NLRC4: variants seen among roughly 807,000 people sequenced by gnomAD.
The protein encoded by NLRC4 is NLR family CARD domain-containing protein 4.
In NLRC4, 63 loss-of-function variants were observed where a neutral mutation model predicts 79.9. That is an observed-to-expected ratio of 0.79 (90% CI 0.64 to 0.97). The LOEUF (loss-of-function observed/expected upper bound fraction) is 0.97, where lower values mean the gene tolerates loss of function less well. Among genes scored for constraint, NLRC4 ranks in the 50% least tolerant of loss-of-function variants. NLRC4 has a pLI of 0.00. For missense variants in NLRC4, 1,074 were observed against 1,215.2 expected (o/e 0.88, Z 1.73); for synonymous variants, 461 against 456.5 (o/e 1.01, Z -0.12).
At chr2:32,238,398 A>T (rs796470787) in intron 5 of NLRC4, 96 bp from the exon 6 acceptor site, 2 of 1,057,214 alleles carry the variant, frequency 1.9e-6, no homozygotes, top group African/African-American at 3.2e-5. Context: ...ATAATTGTGC[A>T]GAGACCTTGC....
intron 8 of NLRC4, among the ~76,000 whole-genome samples, chr2:32,230,101 G>A (rs935796846): frequency 1.6e-4 from 25 of 152,136 alleles, no homozygotes; most frequent in African/African-American, 6.0e-4. Flanking sequence ...ACTGGAGTGA[G>A]GGTGAGGCTG....
chr2:32,247,655 T>C (rs1037997776), intron 4 of NLRC4, among the ~76,000 whole-genome samples: 4 of 152,028 alleles, frequency 2.6e-5, no homozygotes, highest in Admixed American at 6.6e-5. Context: ...CACATACATA[T>C]ATGTATCTAT....
rs1385531189 is a variant in NLRC4, at chr2:32,241,037, T to C, written c.2346A>G (p.Lys782=). The C allele has an allele frequency of 6.3e-7, 1 of 1,576,902 alleles. No individual in the cohort carries two copies. Among genetic ancestry groups the C allele is most frequent in the Admixed American group, 1.7e-5 (1 of 59,760 alleles). Residue 782 remains lysine, a synonymous_variant, in exon 5 of 9, where the codon AAA becomes AAG. Transcript: ENST00000402280. ...ATATGAGAACAGAAATCTGACCTAG[T>C]TTTATAGCATCTTCTTCATTCATCT... is the stretch of plus-strand genomic sequence containing the variant. ...NIKMNEEDAI[K]LAEGLKNLKK...
At chr2:32,233,937 A>G (rs764680733) in intron 8 of NLRC4, among the ~76,000 whole-genome samples, 18 of 152,052 alleles carry the variant, frequency 1.2e-4, no homozygotes, top group Admixed American at 6.6e-4. Context: ...CTCTAACAAT[A>G]TTTGCTTTAT....
chr2:32,239,977 C>CT (rs1686757464), intron 5 of NLRC4, among the ~76,000 whole-genome samples: 1 of 152,028 alleles, frequency 6.6e-6, no homozygotes, highest in Non-Finnish European at 1.5e-5. Flanking sequence ...CCATGTTTTG[C>CT]TTTTGTTTTT....
rs1686990129 is a variant in NLRC4, at chr2:32,248,486, C to T, written c.2257+1121G>A. 2.6e-5 allele frequency among the ~76,000 whole-genome samples: 4 copies of T among 152,176 alleles called. No homozygotes were observed. The South Asian group carries it at 8.3e-4, about 31-fold the overall frequency. On this transcript the variant is annotated intron_variant, in intron 4 of 8. Coordinates refer to ENST00000402280, the MANE Select transcript of NLRC4 (RefSeq NM_001199138.2). ...GTTATAAAGAGGACATAAGACCATG[C>T]CAGGCAAAGGCTAAGTCATTCAGCT...
chr2:32,259,646 T>C (rs1232303256), intron 1 of NLRC4, among the ~76,000 whole-genome samples: 16 of 152,076 alleles, frequency 1.1e-4, no homozygotes, highest in Admixed American at 1.0e-3. Context: ...AGCTGAAAAA[T>C]GCTTCTACCT....
At position 32,252,693 on chromosome 2, in the gene NLRC4, G is replaced by C. The variant is rs1166411214; in HGVS notation, c.2-14C>G. ...TTATGAAATTCACTGAGGAGATGGG[G>C]AGAAATATACATATTTATTTACTTA... On this transcript the variant is annotated splice_polypyrimidine_tract_variant and intron_variant, in intron 2 of 8. Coordinates refer to ENST00000402280, the MANE Select transcript of NLRC4 (RefSeq NM_001199138.2). The C allele has an allele frequency of 6.2e-7, 1 of 1,607,096 alleles. No individual in the cohort carries two copies. Among genetic ancestry groups the C allele is most frequent in the Admixed American group, 1.7e-5 (1 of 59,820 alleles).
intron 1 of NLRC4, among the ~76,000 whole-genome samples, chr2:32,260,213 C>CAAAAA (rs1197388989): frequency 4.6e-3 from 342 of 74,454 alleles, no homozygotes; most frequent in Non-Finnish European, 5.2e-3. Context: ...TGGGCAACGA[C>CAAAAA]AAAAAAAAAA....
intron 8 of NLRC4, among the ~76,000 whole-genome samples, chr2:32,233,140 GGAAGGAAGGAAGGA>G (rs1558446934): frequency 7.6e-4 from 10 of 13,128 alleles, no homozygotes; most frequent in East Asian, 2.7e-3. Flanking sequence ...GAGGGAGGAA[GGAAGGAAGGAAGGA>G]AGGAAGGAAG....
intron 8 of NLRC4, among the ~76,000 whole-genome samples, chr2:32,229,482 CAAAA>C (rs796584639): frequency 6.6e-6 from 1 of 151,776 alleles, no homozygotes; most frequent in Non-Finnish European, 1.5e-5. Context: ...ACAAAACAAA[CAAAA>C]AAACAGGTGA....
rs756625023 is a variant in NLRC4 at position 32,250,704 on chromosome 2, A to G, written c.1160T>C (p.Ile387Thr). The G allele has an allele frequency of 7.4e-6, 12 of 1,614,098 alleles. No homozygotes were observed. Among genetic ancestry groups the G allele is most frequent in the Admixed American group, 3.3e-5 (2 of 60,002 alleles). ...GTCTCCACAGTGGTCCAGGCTCCGA[A>G]TGAAGTCACTTGCAGCCACACCTTT... ...KHKGVAASDF[I>T]RSLDHCGDLA... The change falls in exon 4 of 9, where the codon ATT becomes ACT. Residue 387 changes from isoleucine to threonine, a missense_variant. Transcript: ENST00000402280. This position sits in a 1 kb window ranked among gnomAD's most constrained non-coding sequence, Gnocchi z 4.9.
At position 32,233,347 on chromosome 2, in the gene NLRC4, A is replaced by AT. The variant is rs1453870780; in HGVS notation, c.2782+2053dup. On this transcript the variant is annotated intron_variant, in intron 8 of 8. Transcript: ENST00000402280. Reference sequence around the variant, plus strand: ...TATATATATATATATATATATATATATATTTTTTTTTTTTTTTTTTTAATT... The same window carrying AT: ...TATATATATATATATATATATATATATTATTTTTTTTTTTTTTTTTTTAATT... 2.7e-3 allele frequency among the ~76,000 whole-genome samples: 121 copies of AT among 45,618 alleles called. 1 individual carries two copies. The highest frequency in any genetic ancestry group is 0.012 in the Middle Eastern group (1 of 86). The allele number at this position is 45,618 out of a possible 152,430, so 29.9% of individuals were successfully genotyped here.
intron 6 of NLRC4, among the ~76,000 whole-genome samples, chr2:32,236,870 A>AAGAG (rs1686686043): frequency 6.6e-6 from 1 of 152,060 alleles, no homozygotes; most frequent in African/African-American, 2.4e-5. Context: ...ATGAGAAAAA[A>AAGAG]AACAAATAGC....
At chr2:32,258,627 G>A (rs1051039228) in intron 1 of NLRC4, among the ~76,000 whole-genome samples, 4 of 152,172 alleles carry the variant, frequency 2.6e-5, no homozygotes, top group Non-Finnish European at 5.9e-5. Context: ...CCAAGATGAG[G>A]CATTTGTTCT....
intron 4 of NLRC4, among the ~76,000 whole-genome samples, chr2:32,248,683 C>T (rs1457893264): frequency 6.6e-6 from 1 of 151,860 alleles, no homozygotes; most frequent in Non-Finnish European, 1.5e-5. Context: ...TGAGGATCAA[C>T]TGAGCCCAGG....
At chr2:32,241,268 A>G in intron 4 of NLRC4, 143 bp from the exon 5 acceptor site, 1 of 614,148 alleles carries the variant, frequency 1.6e-6, no homozygotes, top group Non-Finnish European at 2.8e-6. Context: ...AGACATAAAA[A>G]TATACTTTTT....
chr2:32,264,564 G>A (rs893769767), intron 1 of NLRC4, among the ~76,000 whole-genome samples, 174 bp downstream of exon 1: 6 of 151,540 alleles, frequency 4.0e-5, no homozygotes, highest in Non-Finnish European at 5.9e-5. Context: ...CAGCAGACCC[G>A]ATTAACCACC....
At chr2:32,224,828 G>T in intron 8 of NLRC4, 63 bp from the exon 9 acceptor site, 10 of 919,886 alleles carry the variant, frequency 1.1e-5, no homozygotes, top group East Asian at 5.4e-5. Flanking sequence ...AAGAGAAATA[G>T]GTTCTACATT....
Sources: allele counts gnomAD v4.1 joint callset (sites outside exome capture counted in the v4.1 genomes callset), GRCh38; gene constraint gnomAD v4.1.1; non-coding constraint Gnocchi (gnomAD v3.1); transcripts MANE v1.5; gene names NCBI Gene and HGNC (gene_info 2026-07-23, HGNC 2026-07-21).